ZNF385D: variants seen among roughly 807,000 people sequenced by gnomAD.
ZNF385D encodes the protein zinc finger protein 659.
ZNF385D carries 15 observed loss-of-function variants against 35.8 expected under a neutral mutation model. The ratio of observed to expected loss-of-function variants is 0.42; its 90% confidence interval spans 0.28 to 0.64. The LOEUF (loss-of-function observed/expected upper bound fraction) is 0.64. ZNF385D is among the 30% of genes least tolerant of loss of function. The pLI is 0.23. For synonymous variants in ZNF385D, 212 were observed against 186.8 expected (o/e 1.13, Z -1.10); for missense variants, 474 against 494.6 (o/e 0.96, Z 0.39).
intron 2 of ZNF385D, among the ~76,000 whole-genome samples, chr3:22,270,945 A>C (rs1192209575): frequency 6.6e-6 from 1 of 151,974 alleles, no homozygotes; most frequent in Admixed American, 6.6e-5. Context: ...GTTAATCTCC[A>C]AGTGTATCTT....
intron 3 of ZNF385D, among the ~76,000 whole-genome samples, chr3:21,805,139 T>G (rs2072581848): frequency 6.6e-6 from 1 of 152,238 alleles, no homozygotes; most frequent in Non-Finnish European, 1.5e-5. Flanking sequence ...TCCTCCCATT[T>G]GTATGAATGG....
At chr3:21,949,739 A>T (rs184241566) in intron 3 of ZNF385D, among the ~76,000 whole-genome samples, 4 of 151,726 alleles carry the variant, frequency 2.6e-5, no homozygotes, top group Admixed American at 2.6e-4. Context: ...CTGGTGTGTG[A>T]TGTTCCCCTC....
chr3:21,803,049 C>T (rs952320606), intron 3 of ZNF385D, among the ~76,000 whole-genome samples: 1 of 152,158 alleles, frequency 6.6e-6, no homozygotes, highest in South Asian at 2.1e-4. Context: ...AAGAGTTTGT[C>T]TAACTTCAAG....
chr3:22,081,328 C>T (rs757624104), intron 3 of ZNF385D, among the ~76,000 whole-genome samples: 6 of 152,086 alleles, frequency 3.9e-5, no homozygotes, highest in Non-Finnish European at 7.3e-5. Context: ...AATTCTTATT[C>T]TCCATTTAGT....
chr3:22,293,653 G>T (rs1702417419), intron 2 of ZNF385D, among the ~76,000 whole-genome samples: 1 of 152,086 alleles, frequency 6.6e-6, no homozygotes, highest in African/African-American at 2.4e-5. Context: ...ATTTTCCTCA[G>T]TTGTTCCACA....
At chr3:22,165,415 T>C (rs989498087) in intron 3 of ZNF385D, among the ~76,000 whole-genome samples, 8 of 152,162 alleles carry the variant, frequency 5.3e-5, no homozygotes, top group African/African-American at 1.9e-4. Flanking sequence ...AGGAATCTTA[T>C]GGGAGCTGAT....
intron 3 of ZNF385D, among the ~76,000 whole-genome samples, chr3:21,881,581 G>T (rs1377611788): frequency 6.6e-6 from 1 of 152,034 alleles, no homozygotes; most frequent in African/African-American, 2.4e-5. Context: ...GATTAATGTT[G>T]TTTTAATGCC....
chr3:22,294,404 A>G (rs897644298), intron 2 of ZNF385D, among the ~76,000 whole-genome samples: 4 of 152,060 alleles, frequency 2.6e-5, no homozygotes, highest in African/African-American at 9.7e-5. Flanking sequence ...TCCTATGAAT[A>G]TACTTCTTAT....
At chr3:22,201,365 T>C (rs989099397) in intron 2 of ZNF385D, among the ~76,000 whole-genome samples, 3 of 152,104 alleles carry the variant, frequency 2.0e-5, no homozygotes, top group Non-Finnish European at 4.4e-5. Flanking sequence ...TCTGTAACCA[T>C]AAAAAGTTTT....
chr3:21,625,857 TAGTC>T (rs1278661403), intron 2 of ZNF385D, among the ~76,000 whole-genome samples: 1 of 152,142 alleles, frequency 6.6e-6, no homozygotes, highest in Non-Finnish European at 1.5e-5. Context: ...AAAGTTCTAT[TAGTC>T]AGTGCTGCCA....
chr3:21,933,583 A>G (rs996545434), intron 3 of ZNF385D, among the ~76,000 whole-genome samples: 3 of 152,210 alleles, frequency 2.0e-5, no homozygotes, highest in Admixed American at 6.5e-5. Context: ...GGCATTTAGC[A>G]TTAACATGGA....
chr3:22,247,615 TTTTA>T (rs71266432), intron 2 of ZNF385D, among the ~76,000 whole-genome samples: 9 of 148,192 alleles, frequency 6.1e-5, no homozygotes, highest in East Asian at 2.0e-4. Flanking sequence ...CATTTTACAA[TTTTA>T]TTTATTTATT....
At chr3:22,221,984 G>A (rs978099709) in intron 2 of ZNF385D, among the ~76,000 whole-genome samples, 1 of 151,596 alleles carries the variant, frequency 6.6e-6, no homozygotes, top group Non-Finnish European at 1.5e-5. Context: ...TAACCATTCC[G>A]ATTTTTTTTT....
intron 2 of ZNF385D, among the ~76,000 whole-genome samples, chr3:22,319,315 C>A (rs953546976): frequency 6.6e-6 from 1 of 151,370 alleles, no homozygotes; most frequent in Admixed American, 6.6e-5. Context: ...TAAAAAGTCA[C>A]AAGAAATAAC....
At chr3:22,050,530 G>C (rs954389129) in intron 3 of ZNF385D, among the ~76,000 whole-genome samples, 3 of 152,074 alleles carry the variant, frequency 2.0e-5, no homozygotes, top group Non-Finnish European at 4.4e-5. Context: ...TTCTTTATTG[G>C]TCTGTTAAGA....
At chr3:21,794,836 T>C (rs1474404648) in intron 3 of ZNF385D, among the ~76,000 whole-genome samples, 1 of 152,204 alleles carries the variant, frequency 6.6e-6, no homozygotes, top group Non-Finnish European at 1.5e-5. Flanking sequence ...CTGTGTGACC[T>C]CCTGTTCTAC....
At chr3:22,109,194 G>T (rs187402443) in intron 3 of ZNF385D, among the ~76,000 whole-genome samples, 184 of 152,250 alleles carry the variant, frequency 1.2e-3, no homozygotes, top group African/African-American at 4.1e-3. Context: ...CTTGCTGATG[G>T]CAGGCCATTT....
At chr3:22,175,989 A>G (rs1694808324) in intron 2 of ZNF385D, among the ~76,000 whole-genome samples, 1 of 151,022 alleles carries the variant, frequency 6.6e-6, no homozygotes, top group African/African-American at 2.4e-5. Flanking sequence ...TATCTTCTAT[A>G]TTTCACTATT....
At chr3:21,991,470 A>C (rs568333638) in intron 3 of ZNF385D, among the ~76,000 whole-genome samples, 85 of 152,328 alleles carry the variant, frequency 5.6e-4, no homozygotes, top group Non-Finnish European at 9.9e-4. Flanking sequence ...GTATTTGATA[A>C]AACTGTGGTA....
Sources: allele counts gnomAD v4.1 joint callset (sites outside exome capture counted in the v4.1 genomes callset), GRCh38; gene constraint gnomAD v4.1.1; transcripts MANE v1.5; gene names NCBI Gene and HGNC (gene_info 2026-07-23, HGNC 2026-07-21).